Variants in PLTP observed in about 807,000 individuals in gnomAD.
PLTP encodes BPI fold containing family E.
PLTP carries 43 observed loss-of-function variants against 54.1 expected under a neutral mutation model. The ratio of observed to expected loss-of-function variants is 0.79; its 90% CI spans 0.62 to 1.02. The LOEUF (loss-of-function observed/expected upper bound fraction) is 1.02, where lower values mean the gene tolerates loss of function less well. Among genes scored for constraint, PLTP ranks in the 50% least tolerant of loss-of-function variants. The pLI is 0.00. For synonymous variants in PLTP, 263 were observed against 264.6 expected (o/e 0.99, Z 0.06); for missense variants, 604 against 645.9 (o/e 0.94, Z 0.70).
chr20:45,906,319 G>GGAAT lies in PLTP; in HGVS notation c.650_653dup (p.Leu219PhefsTer26). The GGAAT allele has an allele frequency of 6.2e-7, 1 of 1,614,056 alleles. No individual in the cohort carries two copies. The highest frequency in any genetic ancestry group is 8.5e-7 in the Non-Finnish European group (1 of 1,179,972). ...TGGAAGCCACAGGATCCTTCATGAG[G>GGAAT]GAATAGTCAATGCCAACAAGCTCGT... On this transcript the variant is annotated frameshift_variant, in exon 8 of 16. Transcript: ENST00000372431. LOFTEE classifies it high-confidence loss of function.
At position 45,899,055 on chromosome 20, in the gene PLTP, G is replaced by A; in HGVS notation, c.1368C>T (p.Leu456=). The change falls in exon 16 of 16, where the codon CTC becomes CTT. Residue 456 remains leucine (L), a synonymous_variant. Transcript: ENST00000372431. ...CAAAGTGGAGATCAGCCCCGATGGT[G>A]AGGAATCCCTGTGTTGGGGAGAGGG... The part of the protein sequence containing the change: ...HEVVTNHAGF[L]TIGADLHFAK... 1 of 1,614,220 alleles carries A rather than the reference G, an allele frequency of 6.2e-7. No individual in the cohort carries two copies. The highest frequency in any genetic ancestry group is 2.2e-5 in the East Asian group (1 of 44,884).
chr20:45,911,995 C>CG (rs1341354334), intron 1 of PLTP, 84 bp downstream of exon 1: 1 of 174,882 alleles, frequency 5.7e-6, no homozygotes, highest in Non-Finnish European at 1.2e-5. Context: ...TCTCCTTCAT[C>CG]GGCTCTCCTC....
chr20:45,902,634 G>C, intron 10 of PLTP, 30 bp from the exon 11 acceptor site: 1 of 1,561,824 alleles, frequency 6.4e-7, no homozygotes, highest in Admixed American at 1.9e-5. Context: ...GGCGGGTCAA[G>C]TCCCTGCCAT....
chr20:45,903,040 T>C (rs990064531), intron 10 of PLTP, among the ~76,000 whole-genome samples: 15 of 151,892 alleles, frequency 9.9e-5, no homozygotes, highest in Admixed American at 8.5e-4. Flanking sequence ...GTAGCTGAGA[T>C]TACAGGCACC....
Position 45,899,612 on chromosome 20 carries a change from C to T in PLTP, c.1282+10G>A, listed in dbSNP as rs746968858. On this transcript the variant is annotated intron_variant, in intron 14 of 15. Transcript: ENST00000372431. ...TCCTTTCTTCCTCCATCCTCACACC[C>T]CAGCCTTACCATTGAGCATGGGCAT... The T allele has an allele frequency of 6.2e-7, 1 of 1,614,118 alleles. No individual in the cohort carries two copies. Among genetic ancestry groups the T allele is most frequent in the Non-Finnish European group, 8.5e-7 (1 of 1,180,018 alleles).
At chr20:45,900,401 G>A (rs11569657) in intron 12 of PLTP, among the ~76,000 whole-genome samples, 4,132 of 151,950 alleles carry the variant, frequency 0.027, 152 homozygotes, top group East Asian at 0.11. Context: ...CACCACGCCC[G>A]GCCTTTATTG....
intron 3 of PLTP, 27 bp from the exon 4 acceptor site, chr20:45,910,097 A>G (rs1314477388): frequency 1.9e-6 from 3 of 1,612,544 alleles, no homozygotes; most frequent in Non-Finnish European, 2.5e-6. Flanking sequence ...GGTCAGATCC[A>G]GGGCCAAGAA....
At chr20:45,900,015 T>C in intron 12 of PLTP, 137 bp from the exon 13 acceptor site, 1 of 748,872 alleles carries the variant, frequency 1.3e-6, no homozygotes, top group Non-Finnish European at 2.4e-6. Context: ...TGCTACAACT[T>C]TCCAGGTATC....
At chr20:45,903,311 C>T (rs1266869237) in intron 10 of PLTP, among the ~76,000 whole-genome samples, 1 of 152,226 alleles carries the variant, frequency 6.6e-6, no homozygotes, top group Non-Finnish European at 1.5e-5. Flanking sequence ...ATTATCCTGC[C>T]ACATCAGCCT....
chr20:45,904,444 CAAAGTGAGACTCTTGTCTCAAAA>C (rs1225215629), intron 10 of PLTP, among the ~76,000 whole-genome samples: 3 of 151,980 alleles, frequency 2.0e-5, no homozygotes, highest in Non-Finnish European at 4.4e-5. Flanking sequence ...ACTTGGGTGA[CAAAGTGAGACTCTTGTCTCAAAA>C]AAAAAAATAA....
chr20:45,902,404 A>G, intron 11 of PLTP, 36 bp downstream of exon 11: 1 of 1,613,812 alleles, frequency 6.2e-7, no homozygotes, highest in South Asian at 1.1e-5. Flanking sequence ...TTTTTCCCTG[A>G]CCCCCAGCCA....
chr20:45,911,478 G>C lies in PLTP; in HGVS notation c.-11-15C>G. The C allele has an allele frequency of 6.2e-7, 1 of 1,600,580 alleles. No individual in the cohort carries two copies. On this transcript the variant is annotated splice_polypyrimidine_tract_variant and intron_variant, in intron 1 of 15. Coordinates refer to ENST00000372431, the MANE Select transcript of PLTP (RefSeq NM_006227.4). ...GGCGAGCGGGCCTGGGGGTGGGGTG[G>C]GGTCGCAGGAGTTATCTGAGCCGCT...
intron 12 of PLTP, among the ~76,000 whole-genome samples, chr20:45,900,359 C>T (rs915164950): frequency 6.6e-6 from 1 of 151,942 alleles, no homozygotes; most frequent in Non-Finnish European, 1.5e-5. Flanking sequence ...CCCGTCTCGG[C>T]CTCCCAAAGT....
chr20:45,899,413 T>C (rs375266049), intron 15 of PLTP, 49 bp downstream of exon 15: 4 of 1,582,844 alleles, frequency 2.5e-6, no homozygotes, highest in East Asian at 4.5e-5. Context: ...TGGGGAGCTA[T>C]AGAGAGAGGG....
intron 7 of PLTP, 83 bp downstream of exon 7, chr20:45,907,609 G>T: frequency 7.5e-7 from 1 of 1,325,924 alleles, no homozygotes; most frequent in Non-Finnish European, 1.1e-6. Flanking sequence ...ACCCAGGACT[G>T]TTCAACAGCA....
intron 12 of PLTP, among the ~76,000 whole-genome samples, chr20:45,901,095 G>A (rs1397881728): frequency 2.6e-5 from 4 of 152,132 alleles, no homozygotes; most frequent in African/African-American, 9.7e-5. Context: ...TCTGTGAAAC[G>A]TTTTGTATCT....
At position 45,905,127 on chromosome 20, in the gene PLTP, G is replaced by T. The variant is rs1601161149; in HGVS notation, c.706-9C>A. On this transcript the variant is annotated splice_polypyrimidine_tract_variant and intron_variant, in intron 8 of 15. Coordinates refer to ENST00000372431, the MANE Select transcript of PLTP (RefSeq NM_006227.4). ...AGGGGGAAGAAGGCCCCCTGGGGTG[G>T]GGCATTCACAGTCAGGGTCAAGGCA... The T allele has an allele frequency of 6.2e-7, 1 of 1,613,442 alleles. No individual in the cohort carries two copies. The highest frequency in any genetic ancestry group is 2.2e-5 in the East Asian group (1 of 44,868).
At chr20:45,899,776 G>T (rs572392262) in intron 13 of PLTP, 60 bp downstream of exon 13, 1 of 1,586,052 alleles carries the variant, frequency 6.3e-7, no homozygotes, top group East Asian at 2.3e-5. Flanking sequence ...GAGGAGGGGG[G>T]GATGGTGAGG....
chr20:45,902,302 C>G lies in PLTP; in HGVS notation c.1140G>C (p.Arg380=). Residue 380 remains arginine, a synonymous_variant, in exon 12 of 16, where the codon CGG becomes CGC. Transcript: ENST00000372431. ...DARLSAKMAL[R]GKALRTQLDL... ...CCAGCTGCGTGCGCAGGGCCTTCCC[C>G]CGGAGAGCCATCTTGGCGCTGAGAC... The G allele has an allele frequency of 6.2e-7, 1 of 1,614,120 alleles. No individual in the cohort carries two copies. The highest frequency in any genetic ancestry group is 8.5e-7 in the Non-Finnish European group (1 of 1,180,038).
Sources: gnomAD v4.1 joint callset for allele counts (sites outside exome capture counted in the v4.1 genomes callset) on GRCh38, gnomAD v4.1.1 for gene constraint, MANE v1.5 for transcripts, NCBI Gene and HGNC (gene_info 2026-07-23, HGNC 2026-07-21) for gene names.